The following ANGPT2 variants were observed in gnomAD, a reference collection of about 807,000 sequenced individuals.
ANGPT2 encodes the protein angiopoietin 2.
Under a neutral mutation model 62.9 loss-of-function variants are expected in ANGPT2, and 28 were observed. That is an observed-to-expected ratio of 0.44 (90% confidence interval 0.33 to 0.61). The LOEUF (loss-of-function observed/expected upper bound fraction) is 0.61. ANGPT2 is among the 20% of genes least tolerant of loss of function. The probability of loss-of-function intolerance (pLI) is 0.03; values close to 1 mark genes in which losing one functional copy is unlikely to be tolerated. For missense variants in ANGPT2, 727 were observed against 594.9 expected (o/e 1.22, Z -2.31); for synonymous variants, 284 against 207.8 (o/e 1.37, Z -3.15).
At chr8:6,561,991 G>T (rs559889947) in intron 1 of ANGPT2, among the ~76,000 whole-genome samples, 4 of 152,254 alleles carry the variant, frequency 2.6e-5, no homozygotes, top group East Asian at 1.9e-4. Flanking sequence ...TGGAACTGAC[G>T]GGGGCTGCAG....
At chr8:6,562,573 G>GT in intron 1 of ANGPT2, 74 bp downstream of exon 1, 10 of 73,994 alleles carry the variant, frequency 1.4e-4, no homozygotes, top group Non-Finnish European at 2.0e-4. Context: ...TTTTTTTTTG[G>GT]TTGTTAAAAC....
At chr8:6,527,897 C>CTTTTTTTTTT (rs1343936237) in intron 2 of ANGPT2, among the ~76,000 whole-genome samples, 4 of 105,956 alleles carry the variant, frequency 3.8e-5, no homozygotes, top group Non-Finnish European at 4.5e-5. Flanking sequence ...CCCCACGTCT[C>CTTTTTTTTTT]TATTTTTTTT....
At chr8:6,509,140 A>G in intron 7 of ANGPT2, 78 bp from the exon 8 acceptor site, 1 of 1,546,060 alleles carries the variant, frequency 6.5e-7, no homozygotes, top group Non-Finnish European at 8.7e-7. Flanking sequence ...TGTGATGAAG[A>G]ATTCCATTCT....
intron 8 of ANGPT2, among the ~76,000 whole-genome samples, chr8:6,505,444 T>C (rs1238040221): frequency 1.2e-5 from 1 of 83,552 alleles, no homozygotes; most frequent in African/African-American, 4.4e-5. Context: ...ATATTCTTTA[T>C]ATACATATAG....
chr8:6,538,089 C>G (rs1250023534), intron 1 of ANGPT2, among the ~76,000 whole-genome samples: 1 of 152,138 alleles, frequency 6.6e-6, no homozygotes, highest in Non-Finnish European at 1.5e-5. Context: ...TTGCAACCAT[C>G]TCTCACACAC....
At chr8:6,536,048 C>G (rs962830153) in intron 1 of ANGPT2, among the ~76,000 whole-genome samples, 1 of 151,898 alleles carries the variant, frequency 6.6e-6, no homozygotes, top group Non-Finnish European at 1.5e-5. Flanking sequence ...CAGAGTGAGA[C>G]CTTGTCTCAA....
In ANGPT2 at chr8:6,521,318, A is replaced by G; in HGVS notation, c.659T>C (p.Val220Ala). The G allele has an allele frequency of 6.2e-7, 1 of 1,613,850 alleles. No homozygotes were observed. Among genetic ancestry groups the G allele is most frequent in the East Asian group, 2.2e-5 (1 of 44,814 alleles). ...TTCAATGATGGAATTTTGCTTGGAT[A>G]CTAACACCTGTAGCTGATCTTTCTC... is the stretch of plus-strand genomic sequence containing the variant. ...KEEKDQLQVL[V>A]SKQNSIIEEL... Residue 220 changes from valine (V) to alanine (A), a missense_variant, in exon 4 of 9, where the codon GTA (valine) becomes GCA (alanine). Coordinates refer to ENST00000629816, the MANE Select transcript of ANGPT2 (RefSeq NM_001118887.2).
At chr8:6,533,569 C>CT (rs56882906) in intron 1 of ANGPT2, among the ~76,000 whole-genome samples, 33,496 of 112,632 alleles carry the variant, frequency 0.3, 4,971 homozygotes, top group South Asian at 0.43. Flanking sequence ...CGTTTAGTTT[C>CT]TTTTTTTTTT....
intron 3 of ANGPT2, among the ~76,000 whole-genome samples, chr8:6,526,257 T>TAAAAA (rs35519559): frequency 1.3e-5 from 1 of 77,500 alleles, no homozygotes; most frequent in South Asian, 6.2e-4. Flanking sequence ...TTGCCTCTAC[T>TAAAAA]AAAAAAAAAA....
chr8:6,557,023 C>A (rs1040761281), intron 1 of ANGPT2, among the ~76,000 whole-genome samples: 2 of 148,464 alleles, frequency 1.3e-5, no homozygotes, highest in African/African-American at 5.3e-5. Context: ...ACTGGAAACC[C>A]CACCTAGGAG....
intron 1 of ANGPT2, among the ~76,000 whole-genome samples, chr8:6,545,086 G>T (rs1024544769): frequency 1.3e-5 from 2 of 152,102 alleles, no homozygotes; most frequent in Non-Finnish European, 2.9e-5. Flanking sequence ...CACACCCTAG[G>T]AGTGCTTACT....
intron 2 of ANGPT2, among the ~76,000 whole-genome samples, chr8:6,531,759 G>A (rs2515480): frequency 0.44 from 66,503 of 151,822 alleles, 15,511 homozygotes; most frequent in African/African-American, 0.59. Context: ...GGTTAGTGGC[G>A]GACCTGGAGC....
intron 2 of ANGPT2, among the ~76,000 whole-genome samples, chr8:6,528,423 C>A (rs1303410797): frequency 6.6e-6 from 1 of 152,242 alleles, no homozygotes; most frequent in Non-Finnish European, 1.5e-5. Context: ...AAGTCACATG[C>A]TTCCATTATA....
Position 6,520,545 on chromosome 8 carries a change from A to T in ANGPT2, c.800-554T>A, listed in dbSNP as rs185776005. Among the ~76,000 whole-genome samples the T allele has an allele frequency of 2.0e-3, 302 of 152,078 alleles. 8 individuals are homozygous for T. The South Asian group carries it at 0.041, about 21-fold the overall frequency. On this transcript the variant is annotated intron_variant, in intron 4 of 8. Transcript: ENST00000629816. ...CAAGCAGCTGGGATTTCAGGTGCCC[A>T]CCACCAAGCCCAGCTAATTTTTGTA...
chr8:6,505,013 A>T (rs1813002310), intron 8 of ANGPT2, among the ~76,000 whole-genome samples: 1 of 151,758 alleles, frequency 6.6e-6, no homozygotes. Flanking sequence ...ATTAATTTTT[A>T]AAATAGAGAA....
At chr8:6,533,841 ATTCTGTGCT>A (rs1280601118) in intron 1 of ANGPT2, among the ~76,000 whole-genome samples, 1 of 152,132 alleles carries the variant, frequency 6.6e-6, no homozygotes, top group Non-Finnish European at 1.5e-5. Flanking sequence ...CCACTAAATA[ATTCTGTGCT>A]TTCTGTCTTT....
rs1240453870 is a variant in ANGPT2 at position 6,499,903 on chromosome 8, CTG to C, written c.*3196_*3197del. On this transcript the variant is annotated 3_prime_UTR_variant, in exon 9 of 9. Transcript: ENST00000629816. Reference sequence around the variant, plus strand: ...CTGGATTTCTGAGGAGCCGTTCGAACTGTCTCACCACTTCCCTGCAGCTCCCG... The same window carrying C: ...CTGGATTTCTGAGGAGCCGTTCGAACTCTCACCACTTCCCTGCAGCTCCCG... 1 of 1,613,726 alleles carries C rather than the reference CTG, an allele frequency of 6.2e-7. No individual in the cohort carries two copies. The highest frequency in any genetic ancestry group is 8.5e-7 in the Non-Finnish European group (1 of 1,179,974).
intron 5 of ANGPT2, among the ~76,000 whole-genome samples, chr8:6,519,164 A>C (rs1816838777): frequency 6.6e-6 from 1 of 152,208 alleles, no homozygotes; most frequent in Non-Finnish European, 1.5e-5. Context: ...GCGTTAGATG[A>C]GGTTAGAATC....
chr8:6,503,280 G>A lies in ANGPT2; in HGVS notation c.1328-19C>T. On this transcript the variant is annotated intron_variant, in intron 8 of 8. Transcript: ENST00000629816. Reference sequence around the variant, plus strand: ...CACCAGCCTGTGAAAGTAAAACACAGAAGGAATTAGGAACTAGGTGATGCC... The same window carrying A: ...CACCAGCCTGTGAAAGTAAAACACAAAAGGAATTAGGAACTAGGTGATGCC... 3 of 1,613,892 alleles carry A rather than the reference G, an allele frequency of 1.9e-6. No homozygotes were observed. The Admixed American group carries it at 5.0e-5, about 27-fold the overall frequency.
Sources: allele counts gnomAD v4.1 joint callset (sites outside exome capture counted in the v4.1 genomes callset), GRCh38; gene constraint gnomAD v4.1.1; transcripts MANE v1.5; gene names NCBI Gene and HGNC (gene_info 2026-07-23, HGNC 2026-07-21).